CTXN1: variants seen among roughly 807,000 people sequenced by gnomAD.
CTXN1 encodes the protein cortexin-1.
CTXN1 carries 4 observed loss-of-function variants against 5.5 expected under a neutral mutation model. The observed-to-expected ratio is 0.73, with a 90% CI of 0.36 to 1.68. The LOEUF (loss-of-function observed/expected upper bound fraction) is 1.68. Among genes scored for constraint, CTXN1 ranks in the 40% most tolerant of loss-of-function variants. The pLI is 0.05. For synonymous variants in CTXN1, 67 were observed against 62.8 expected (o/e 1.07, Z -0.32); for missense variants, 111 against 123.0 (o/e 0.90, Z 0.46).
At position 7,925,744 on chromosome 19, in the gene CTXN1, A is replaced by G. The variant is rs1275380604; in HGVS notation, c.-20-186T>C. On this transcript the variant is annotated intron_variant, in intron 1 of 1. Coordinates refer to ENST00000318978, the MANE Select transcript of CTXN1 (RefSeq NM_206833.4). This position sits in a 1 kb window ranked among gnomAD's most constrained non-coding sequence, Gnocchi z 5.0. ...CCCGGCCCGCCGGATCGCCGCCACC[A>G]CCACGCGGGGACCCAACTCTGGCCG... is the stretch of plus-strand genomic sequence containing the variant. Among the ~76,000 whole-genome samples, 4 of 147,580 alleles carry G rather than the reference A, an allele frequency of 2.7e-5. No homozygotes were observed. Among genetic ancestry groups the G allele is most frequent in the East Asian group, 2.1e-4 (1 of 4,698 alleles).
In CTXN1 at chr19:7,925,422, G is replaced by T. The variant is rs376165674; in HGVS notation, c.117C>A (p.Leu39=). The part of the protein sequence containing the change: ...RTVFAFVLCL[L]VVLVLLMVRC... ...GCACCATCAACAGCACCAGCACCACGAGCAGGCAGAGCACGAAGGCGAACA... is the reference window on the plus strand; with the variant it reads ...GCACCATCAACAGCACCAGCACCACTAGCAGGCAGAGCACGAAGGCGAACA... Residue 39 remains leucine (L), a synonymous_variant, in exon 2 of 2, where the codon CTC becomes CTA. Transcript: ENST00000318978. The surrounding 1 kb of genome is among the most constrained non-coding windows in gnomAD (Gnocchi z 5.0). 1.3e-6 allele frequency: 2 copies of T among 1,587,980 alleles called. No homozygotes were observed. The highest frequency in any genetic ancestry group is 3.4e-5 in the Admixed American group (2 of 58,228).
chr19:7,925,540 G>A lies in CTXN1; in HGVS notation c.-2C>T. ...CGACAGCGTCCACGTCGCGCTCATG[G>A]CTCACATCGCCGCGCGCCCTGCGGA... On this transcript the variant is annotated 5_prime_UTR_variant, in exon 2 of 2. Transcript: ENST00000318978. The surrounding 1 kb of genome is among the most constrained non-coding windows in gnomAD (Gnocchi z 5.0). 1 of 1,409,008 alleles carries A rather than the reference G, an allele frequency of 7.1e-7. No individual in the cohort carries two copies. Among genetic ancestry groups the A allele is most frequent in the East Asian group, 3.0e-5 (1 of 33,112 alleles). 87.3% of individuals were successfully genotyped at this position (1,409,008 alleles called of 1,614,324 possible). A position where few individuals can be genotyped will look rare whatever the true frequency, so the allele number is the denominator to read the frequency against.
chr19:7,924,763 C>A lies in CTXN1; in HGVS notation c.*527G>T, dbSNP rs540716384. ...GCCGCCATGGCAGGCCTTCGGGCTC[C>A]GTCTCCGGGACAGGCGGTGCAGGGC... On this transcript the variant is annotated 3_prime_UTR_variant, in exon 2 of 2. Coordinates refer to ENST00000318978, the MANE Select transcript of CTXN1 (RefSeq NM_206833.4). The A allele has an allele frequency of 1.6e-4, 24 of 152,474 alleles. No individual in the cohort carries two copies. The South Asian group carries it at 3.1e-3, about 20-fold the overall frequency. 9.4% of individuals were successfully genotyped at this position (152,474 alleles called of 1,614,324 possible). A position where few individuals can be genotyped will look rare whatever the true frequency, so the allele number is the denominator to read the frequency against.
Position 7,925,249 on chromosome 19 carries a change from T to A in CTXN1, c.*41A>T, listed in dbSNP as rs112578370. The A allele has an allele frequency of 2.4e-6, 3 of 1,248,570 alleles. No individual in the cohort carries two copies. The highest frequency in any genetic ancestry group is 3.0e-6 in the Non-Finnish European group (3 of 997,858). The allele number at this position is 1,248,570 out of a possible 1,614,324, so 77.3% of individuals were successfully genotyped here. ...GGCGCCCCCCGCCGGGCCGGCCCTCTGAGACCCCGGCGCAGGGCCGGCTAG... is the reference window on the plus strand; with the variant it reads ...GGCGCCCCCCGCCGGGCCGGCCCTCAGAGACCCCGGCGCAGGGCCGGCTAG... On this transcript the variant is annotated 3_prime_UTR_variant, in exon 2 of 2. Transcript: ENST00000318978. The surrounding 1 kb of genome is among the most constrained non-coding windows in gnomAD (Gnocchi z 5.0).
Position 7,925,441 on chromosome 19 carries a change from G to A in CTXN1, c.98C>T (p.Ala33Val), listed in dbSNP as rs776612456. Reference protein sequence around the residue: ...GLDAEQRTVFAFVLCLLVVLV... With the variant: ...GLDAEQRTVFVFVLCLLVVLV... ...CACCACGAGCAGGCAGAGCACGAAG[G>A]CGAACACCGTGCGCTGCTCCGCGTC... is the stretch of plus-strand genomic sequence containing the variant. The change falls in exon 2 of 2, where the codon GCC becomes GTC. Residue 33 changes from alanine to valine, a missense_variant. By Grantham distance (64) the Ala-to-Val change is moderately conservative. Coordinates refer to ENST00000318978, the MANE Select transcript of CTXN1 (RefSeq NM_206833.4). This position sits in a 1 kb window ranked among gnomAD's most constrained non-coding sequence, Gnocchi z 5.0. The A allele has an allele frequency of 1.3e-6, 2 of 1,583,310 alleles. No individual in the cohort carries two copies. The highest frequency in any genetic ancestry group is 1.7e-6 in the Non-Finnish European group (2 of 1,170,824).
Position 7,924,678 on chromosome 19 carries a change from G to T in CTXN1, c.*612C>A, listed in dbSNP as rs1983719423. 1 of 152,160 alleles carries T rather than the reference G, an allele frequency of 6.6e-6. No individual in the cohort carries two copies. 9.4% of individuals were successfully genotyped at this position (152,160 alleles called of 1,614,324 possible). A position where few individuals can be genotyped will look rare whatever the true frequency, so the allele number is the denominator to read the frequency against. ...GACCTGTCCTGGGGCCCGGGTTGGGGGCAGAAATGAGCCTGCCCACGCTGT... is the reference window on the plus strand; with the variant it reads ...GACCTGTCCTGGGGCCCGGGTTGGGTGCAGAAATGAGCCTGCCCACGCTGT... On this transcript the variant is annotated 3_prime_UTR_variant, in exon 2 of 2. Coordinates refer to ENST00000318978, the MANE Select transcript of CTXN1 (RefSeq NM_206833.4).
In CTXN1 at chr19:7,925,030, G is replaced by A. The variant is rs1423063574; in HGVS notation, c.*260C>T. 6 of 320,638 alleles carry A rather than the reference G, an allele frequency of 1.9e-5. No individual in the cohort carries two copies. The highest frequency in any genetic ancestry group is 3.4e-5 in the Non-Finnish European group (6 of 177,040). 19.9% of individuals were successfully genotyped at this position (320,638 alleles called of 1,614,324 possible). On this transcript the variant is annotated 3_prime_UTR_variant, in exon 2 of 2. Transcript: ENST00000318978. This position sits in a 1 kb window ranked among gnomAD's most constrained non-coding sequence, Gnocchi z 5.0. Reference sequence around the variant, plus strand: ...CCGGGATTCAGAGTCGGGGGTGGGGGCCAGCCGGGCGGGTGAGATGCGCAG... The same window carrying A: ...CCGGGATTCAGAGTCGGGGGTGGGGACCAGCCGGGCGGGTGAGATGCGCAG...
chr19:7,925,593 A>T lies in CTXN1; in HGVS notation c.-20-35T>A, dbSNP rs1442033857. 1 of 1,313,260 alleles carries T rather than the reference A, an allele frequency of 7.6e-7. No individual in the cohort carries two copies. The highest frequency in any genetic ancestry group is 4.2e-5 in the Admixed American group (1 of 23,628). The allele number at this position is 1,313,260 out of a possible 1,614,324, so 81.4% of individuals were successfully genotyped here. ...AGGGGACCCGCCCCGGGCGCCGGGGATGAGGCTGCGCCCTCCCTCCCGCGC... is the reference window on the plus strand; with the variant it reads ...AGGGGACCCGCCCCGGGCGCCGGGGTTGAGGCTGCGCCCTCCCTCCCGCGC... On this transcript the variant is annotated intron_variant, in intron 1 of 1. Coordinates refer to ENST00000318978, the MANE Select transcript of CTXN1 (RefSeq NM_206833.4). The surrounding 1 kb of genome is among the most constrained non-coding windows in gnomAD (Gnocchi z 5.0).
chr19:7,925,603 G>GCCCT lies in CTXN1; in HGVS notation c.-20-49_-20-46dup. Reference sequence around the variant, plus strand: ...CCCCGGGCGCCGGGGATGAGGCTGCGCCCTCCCTCCCGCGCCTCCTCCGCT... The same window carrying GCCCT: ...CCCCGGGCGCCGGGGATGAGGCTGCGCCCTCCCTCCCTCCCGCGCCTCCTCCGCT... On this transcript the variant is annotated intron_variant, in intron 1 of 1. Coordinates refer to ENST00000318978, the MANE Select transcript of CTXN1 (RefSeq NM_206833.4). The surrounding 1 kb of genome is among the most constrained non-coding windows in gnomAD (Gnocchi z 5.0). 3 of 1,292,298 alleles carry GCCCT rather than the reference G, an allele frequency of 2.3e-6. No homozygotes were observed. Among genetic ancestry groups the GCCCT allele is most frequent in the Non-Finnish European group, 2.0e-6 (2 of 1,024,570 alleles). The allele number at this position is 1,292,298 out of a possible 1,614,324, so 80.1% of individuals were successfully genotyped here.
rs754481800 is a variant in CTXN1, at chr19:7,925,406, A to G, written c.133T>C (p.Leu45=). ...VLCLLVVLVL[L]MVRCVRILLD... is the part of the protein sequence containing the mutation. ...AGGATGCGCACGCAGCGCACCATCA[A>G]CAGCACCAGCACCACGAGCAGGCAG... Residue 45 remains leucine, a synonymous_variant, in exon 2 of 2, where the codon TTG becomes CTG. Coordinates refer to ENST00000318978, the MANE Select transcript of CTXN1 (RefSeq NM_206833.4). The surrounding 1 kb of genome is among the most constrained non-coding windows in gnomAD (Gnocchi z 5.0). 6.3e-7 allele frequency: 1 copy of G among 1,588,282 alleles called. No homozygotes were observed. The highest frequency in any genetic ancestry group is 8.5e-7 in the Non-Finnish European group (1 of 1,172,192).
At position 7,925,572 on chromosome 19, in the gene CTXN1, G is replaced by A. The variant is rs1342936221; in HGVS notation, c.-20-14C>T. 4 of 1,327,988 alleles carry A rather than the reference G, an allele frequency of 3.0e-6. No homozygotes were observed. Among genetic ancestry groups the A allele is most frequent in the South Asian group, 2.0e-5 (1 of 49,164 alleles). The allele number at this position is 1,327,988 out of a possible 1,614,324, so 82.3% of individuals were successfully genotyped here. A position where few individuals can be genotyped will look rare whatever the true frequency, so the allele number is the denominator to read the frequency against. ...TCGCCGCGCGCCCTGCGGAGGAGGG[G>A]ACCCGCCCCGGGCGCCGGGGATGAG... On this transcript the variant is annotated splice_polypyrimidine_tract_variant and intron_variant, in intron 1 of 1. Coordinates refer to ENST00000318978, the MANE Select transcript of CTXN1 (RefSeq NM_206833.4). This position sits in a 1 kb window ranked among gnomAD's most constrained non-coding sequence, Gnocchi z 5.0.
rs1983732370 is a variant in CTXN1, at chr19:7,925,007, G to A, written c.*283C>T. ...CGGTGCGGGGGTCCTCCTCCCGCCC[G>A]GGATTCAGAGTCGGGGGTGGGGGCC... On this transcript the variant is annotated 3_prime_UTR_variant, in exon 2 of 2. Coordinates refer to ENST00000318978, the MANE Select transcript of CTXN1 (RefSeq NM_206833.4). This position sits in a 1 kb window ranked among gnomAD's most constrained non-coding sequence, Gnocchi z 5.0. 6.8e-6 allele frequency: 2 copies of A among 292,150 alleles called. No individual in the cohort carries two copies. Among genetic ancestry groups the A allele is most frequent in the Middle Eastern group, 1.9e-3 (2 of 1,068 alleles). The allele number at this position is 292,150 out of a possible 1,614,324, so 18.1% of individuals were successfully genotyped here. A position where few individuals can be genotyped will look rare whatever the true frequency, so the allele number is the denominator to read the frequency against.
At position 7,925,472 on chromosome 19, in the gene CTXN1, C is replaced by T. The variant is rs1983755893; in HGVS notation, c.67G>A (p.Gly23Ser). 6.4e-6 allele frequency: 10 copies of T among 1,560,106 alleles called. No individual in the cohort carries two copies. Among genetic ancestry groups the T allele is most frequent in the South Asian group, 1.2e-5 (1 of 86,434 alleles). The change falls in exon 2 of 2, where the codon GGC becomes AGC. Residue 23 changes from glycine (G) to serine (S), a missense_variant. Physicochemically the swap from Gly to Ser is moderately conservative, Grantham distance 56. Coordinates refer to ENST00000318978, the MANE Select transcript of CTXN1 (RefSeq NM_206833.4). This position sits in a 1 kb window ranked among gnomAD's most constrained non-coding sequence, Gnocchi z 5.0. ...PPSTGPPVGA[G>S]LDAEQRTVFA... The stretch of plus-strand genomic sequence containing the variant: ...ACCGTGCGCTGCTCCGCGTCCAGGC[C>T]CGCGCCCACCGGGGGCCCCGTCGAC...
chr19:7,925,186 G>T lies in CTXN1; in HGVS notation c.*104C>A, dbSNP rs112484205. On this transcript the variant is annotated 3_prime_UTR_variant, in exon 2 of 2. Coordinates refer to ENST00000318978, the MANE Select transcript of CTXN1 (RefSeq NM_206833.4). This position sits in a 1 kb window ranked among gnomAD's most constrained non-coding sequence, Gnocchi z 5.0. Reference sequence around the variant, plus strand: ...CCTCCCCCTCTCCCCCGGGCTGGGGGCTCCGGGGCGGGATCCTGAGCGCAG... The same window carrying T: ...CCTCCCCCTCTCCCCCGGGCTGGGGTCTCCGGGGCGGGATCCTGAGCGCAG... 106,531 of 903,662 alleles carry T rather than the reference G, an allele frequency of 0.12. 6,833 individuals carry two copies. Among genetic ancestry groups the T allele is most frequent in the African/African-American group, 0.15 (8,542 of 57,248 alleles). 56.0% of individuals were successfully genotyped at this position (903,662 alleles called of 1,614,324 possible).
chr19:7,925,997 C>T lies in CTXN1; in HGVS notation c.-51G>A, dbSNP rs1194998000. ...CTTCGACCCGGACGGGGACCGACCGCCCGGCGGCCGCGCTCTCTCAGGGAC... is the reference window on the plus strand; with the variant it reads ...CTTCGACCCGGACGGGGACCGACCGTCCGGCGGCCGCGCTCTCTCAGGGAC... On this transcript the variant is annotated 5_prime_UTR_variant, in exon 1 of 2. Coordinates refer to ENST00000318978, the MANE Select transcript of CTXN1 (RefSeq NM_206833.4). The surrounding 1 kb of genome is among the most constrained non-coding windows in gnomAD (Gnocchi z 5.0). 1 of 150,074 alleles carries T rather than the reference C, an allele frequency of 6.7e-6. No homozygotes were observed. The highest frequency in any genetic ancestry group is 1.5e-5 in the Non-Finnish European group (1 of 67,048). 9.3% of individuals were successfully genotyped at this position (150,074 alleles called of 1,614,324 possible). A position where few individuals can be genotyped will look rare whatever the true frequency, so the allele number is the denominator to read the frequency against.
chr19:7,925,319 G>T lies in CTXN1; in HGVS notation c.220C>A (p.Arg74Ser). 6.6e-7 allele frequency: 1 copy of T among 1,506,326 alleles called. No homozygotes were observed. Among genetic ancestry groups the T allele is most frequent in the Non-Finnish European group, 8.9e-7 (1 of 1,128,868 alleles). The allele number at this position is 1,506,326 out of a possible 1,614,324, so 93.3% of individuals were successfully genotyped here. A position where few individuals can be genotyped will look rare whatever the true frequency, so the allele number is the denominator to read the frequency against. Residue 74 changes from arginine to serine, a missense_variant, in exon 2 of 2, where the codon CGC becomes AGC. Coordinates refer to ENST00000318978, the MANE Select transcript of CTXN1 (RefSeq NM_206833.4). This position sits in a 1 kb window ranked among gnomAD's most constrained non-coding sequence, Gnocchi z 5.0. ...SWTDHKEALERGQFDYALV is the reference protein window; with the variant it reads ...SWTDHKEALESGQFDYALV ...ACCAACGCGTAGTCGAACTGCCCGC[G>T]CTCGAGCGCCTCCTTGTGGTCGGTC... is the stretch of plus-strand genomic sequence containing the variant.
chr19:7,925,039 G>T lies in CTXN1; in HGVS notation c.*251C>A. Reference sequence around the variant, plus strand: ...AGAGTCGGGGGTGGGGGCCAGCCGGGCGGGTGAGATGCGCAGAGAGGAAGG... The same window carrying T: ...AGAGTCGGGGGTGGGGGCCAGCCGGTCGGGTGAGATGCGCAGAGAGGAAGG... On this transcript the variant is annotated 3_prime_UTR_variant, in exon 2 of 2. Transcript: ENST00000318978. This position sits in a 1 kb window ranked among gnomAD's most constrained non-coding sequence, Gnocchi z 5.0. 1 of 335,886 alleles carries T rather than the reference G, an allele frequency of 3.0e-6. No individual in the cohort carries two copies. The highest frequency in any genetic ancestry group is 5.4e-6 in the Non-Finnish European group (1 of 186,564). The allele number at this position is 335,886 out of a possible 1,614,324, so 20.8% of individuals were successfully genotyped here. A position where few individuals can be genotyped will look rare whatever the true frequency, so the allele number is the denominator to read the frequency against.
In CTXN1 at chr19:7,925,625, C is replaced by T. The variant is rs1983761601; in HGVS notation, c.-20-67G>A. On this transcript the variant is annotated intron_variant, in intron 1 of 1. Transcript: ENST00000318978. This position sits in a 1 kb window ranked among gnomAD's most constrained non-coding sequence, Gnocchi z 5.0. ...TGCGCCCTCCCTCCCGCGCCTCCTC[C>T]GCTTCGCCCCCTCCTGCCGCCGCCG... 3.2e-6 allele frequency: 4 copies of T among 1,241,354 alleles called. No homozygotes were observed. The South Asian group carries it at 8.2e-5, about 26-fold the overall frequency. 76.9% of individuals were successfully genotyped at this position (1,241,354 alleles called of 1,614,324 possible).
Position 7,925,311 on chromosome 19 carries a change from C to T in CTXN1, c.228G>A (p.Gln76=), listed in dbSNP as rs922975536. The stretch of plus-strand genomic sequence containing the variant: ...CCCCTCACACCAACGCGTAGTCGAA[C>T]TGCCCGCGCTCGAGCGCCTCCTTGT... The part of the protein sequence containing the change: ...TDHKEALERG[Q]FDYALV The change falls in exon 2 of 2, where the codon CAG becomes CAA. Residue 76 remains glutamine (Q), a synonymous_variant. Transcript: ENST00000318978. The surrounding 1 kb of genome is among the most constrained non-coding windows in gnomAD (Gnocchi z 5.0). 1.0e-5 allele frequency: 15 copies of T among 1,490,620 alleles called. No homozygotes were observed. The highest frequency in any genetic ancestry group is 3.9e-5 in the South Asian group (3 of 77,854). 92.3% of individuals were successfully genotyped at this position (1,490,620 alleles called of 1,614,324 possible).
Sources: gnomAD v4.1 joint callset for allele counts (sites outside exome capture counted in the v4.1 genomes callset) on GRCh38, gnomAD v4.1.1 for gene constraint, Gnocchi (gnomAD v3.1) non-coding constraint, MANE v1.5 for transcripts, NCBI Gene and HGNC (gene_info 2026-07-23, HGNC 2026-07-21) for gene names.